CARMIL1: variants seen among roughly 807,000 people sequenced by gnomAD.
The protein encoded by CARMIL1 is F-actin-uncapping protein LRRC16A.
A neutral mutation model predicts 177.1 loss-of-function variants in CARMIL1; 90 were observed. The ratio of observed to expected loss-of-function variants is 0.51; its 90% CI spans 0.43 to 0.61. The LOEUF (loss-of-function observed/expected upper bound fraction) is 0.61, where lower values mean the gene tolerates loss of function less well. Among genes scored for constraint, CARMIL1 ranks in the 20% least tolerant of loss-of-function variants. CARMIL1 has a pLI of 0.00. For missense variants in CARMIL1, 1,380 were observed against 1,667.0 expected, an observed-to-expected ratio of 0.83 and a Z score of 3.00; for synonymous variants, 577 against 606.2, an observed-to-expected ratio of 0.95 and a Z score of 0.71.
chr6:25,426,707 G>T, intron 4 of CARMIL1, 147 bp downstream of exon 4: 1 of 611,980 alleles, frequency 1.6e-6, no homozygotes. Context: ...TGTGTGGACA[G>T]GAGTTGGGAA....
intron 26 of CARMIL1, among the ~76,000 whole-genome samples, chr6:25,540,579 A>C (rs1367327766): frequency 6.6e-6 from 1 of 152,182 alleles, no homozygotes; most frequent in East Asian, 1.9e-4. Context: ...GATTCACTGA[A>C]AAAAAGGTAA....
chr6:25,442,078 G>T (rs180785266), intron 5 of CARMIL1, among the ~76,000 whole-genome samples: 1 of 152,066 alleles, frequency 6.6e-6, no homozygotes, highest in Non-Finnish European at 1.5e-5. Flanking sequence ...GGTGTGGCTT[G>T]CAGCATTAAA....
intron 2 of CARMIL1, among the ~76,000 whole-genome samples, chr6:25,306,639 G>GAATA (rs1783293991): frequency 6.6e-6 from 1 of 152,140 alleles, no homozygotes; most frequent in African/African-American, 2.4e-5. Context: ...TTTTAATGCT[G>GAATA]AATAATATTC....
intron 2 of CARMIL1, among the ~76,000 whole-genome samples, chr6:25,371,349 T>G (rs1790409218): frequency 6.6e-6 from 1 of 152,232 alleles, no homozygotes; most frequent in Non-Finnish European, 1.5e-5. Context: ...CCATAGAGGT[T>G]GTACTAATTT....
At chr6:25,590,225 T>G (rs1223796770) in intron 31 of CARMIL1, among the ~76,000 whole-genome samples, 1 of 152,246 alleles carries the variant, frequency 6.6e-6, no homozygotes, top group Non-Finnish European at 1.5e-5. Context: ...TTGGAATGAA[T>G]GGTAGTTTGA....
chr6:25,444,619 C>T (rs567439155), intron 5 of CARMIL1, among the ~76,000 whole-genome samples: 8 of 152,068 alleles, frequency 5.3e-5, no homozygotes, highest in African/African-American at 9.7e-5. Context: ...TGAGAAGATG[C>T]GGTGTTTGGT....
chr6:25,554,149 T>C lies in CARMIL1; in HGVS notation c.2592+53T>C, dbSNP rs184669174. The C allele has an allele frequency of 2.4e-6, 3 of 1,244,964 alleles. No homozygotes were observed. The highest frequency in any genetic ancestry group is 3.5e-6 in the Non-Finnish European group (3 of 865,204). 77.1% of individuals were successfully genotyped at this position (1,244,964 alleles called of 1,614,324 possible). ...ACCTCCTGTTTCAGCTCTGCTGTGA[T>C]GCAGGATGACTTCCGGTGTGGGGAT... On this transcript the variant is annotated intron_variant, in intron 28 of 36. Transcript: ENST00000329474. The surrounding 1 kb of genome is among the most constrained non-coding windows in gnomAD (Gnocchi z 4.6).
chr6:25,372,755 C>A (rs1790548584), intron 2 of CARMIL1, among the ~76,000 whole-genome samples: 1 of 152,108 alleles, frequency 6.6e-6, no homozygotes, highest in Non-Finnish European at 1.5e-5. Context: ...TGCCTGATTG[C>A]TCTGACTAGG....
chr6:25,517,485 T>C, intron 22 of CARMIL1, 70 bp downstream of exon 22: 1 of 1,205,874 alleles, frequency 8.3e-7, no homozygotes, highest in Non-Finnish European at 1.2e-6. Flanking sequence ...ATGTTACCTG[T>C]TGGGTAATAG....
intron 20 of CARMIL1, among the ~76,000 whole-genome samples, chr6:25,511,290 A>G (rs1805426677): frequency 6.6e-6 from 1 of 152,192 alleles, no homozygotes; most frequent in Non-Finnish European, 1.5e-5. Context: ...GTTCAGGGTA[A>G]AGAAGTTTAA....
intron 36 of CARMIL1, 45 bp downstream of exon 36, chr6:25,610,226 A>G (rs771559733): frequency 1.9e-6 from 3 of 1,561,380 alleles, no homozygotes; most frequent in Non-Finnish European, 2.6e-6. Context: ...GCTCTCCCCA[A>G]GGAGGGACAT....
At chr6:25,591,842 A>AG (rs990646663) in intron 31 of CARMIL1, among the ~76,000 whole-genome samples, 36 of 152,144 alleles carry the variant, frequency 2.4e-4, no homozygotes, top group Admixed American at 2.3e-3. Context: ...GAGGATCTGT[A>AG]GGGGCCAGTC....
chr6:25,488,448 T>C, intron 12 of CARMIL1, 34 bp from the exon 13 acceptor site: 1 of 1,505,552 alleles, frequency 6.6e-7, no homozygotes, highest in South Asian at 1.1e-5. Context: ...TTTCCTGGAG[T>C]GCAAACTGAG....
At chr6:25,452,796 G>T (rs139137586) in intron 8 of CARMIL1, among the ~76,000 whole-genome samples, 1 of 152,246 alleles carries the variant, frequency 6.6e-6, no homozygotes, top group Admixed American at 6.5e-5. Flanking sequence ...AGAAAATCCA[G>T]CCTTAAAGAT....
In CARMIL1 at chr6:25,580,986, T is replaced by C; in HGVS notation, c.2805T>C (p.Ala935=). 1 of 1,594,932 alleles carries C rather than the reference T, an allele frequency of 6.3e-7. No individual in the cohort carries two copies. The highest frequency in any genetic ancestry group is 8.5e-7 in the Non-Finnish European group (1 of 1,169,884). Residue 935 remains alanine, a synonymous_variant, in exon 30 of 37, where the codon GCT becomes GCC. Transcript: ENST00000329474. ...GAATGCTGCGGCCTGTTTCTAGGGCTTTTGGTAAGTGTTTTGCTGCTGCCA... is the reference window on the plus strand; with the variant it reads ...GAATGCTGCGGCCTGTTTCTAGGGCCTTTGGTAAGTGTTTTGCTGCTGCCA... ...HSRMLRPVSR[A]FEMEFDLDKA...
Position 25,539,948 on chromosome 6 carries a change from T to C in CARMIL1, c.2198T>C (p.Leu733Ser). The change falls in exon 26 of 37, where the codon TTG becomes TCG. Residue 733 changes from leucine to serine, a missense_variant and splice_region_variant. By Grantham distance (145) the Leu-to-Ser change is moderately radical (BLOSUM62 -2). Transcript: ENST00000329474. Reference sequence around the variant, plus strand: ...GGTTATTTTTTATTTCTCTTACAGTTGTTACCAAATTTATACCATGTTGGT... The same window carrying C: ...GGTTATTTTTTATTTCTCTTACAGTCGTTACCAAATTTATACCATGTTGGT... ...LMRDAKNSKT[L>S]LPNLYHVGGA... 6.3e-7 allele frequency: 1 copy of C among 1,577,728 alleles called. No homozygotes were observed. Among genetic ancestry groups the C allele is most frequent in the Non-Finnish European group, 8.6e-7 (1 of 1,166,894 alleles).
Position 25,495,208 on chromosome 6 carries a change from C to G in CARMIL1, c.1318C>G (p.Pro440Ala). The G allele has an allele frequency of 6.2e-7, 1 of 1,603,922 alleles. No homozygotes were observed. Among genetic ancestry groups the G allele is most frequent in the Non-Finnish European group, 8.5e-7 (1 of 1,174,120 alleles). ...TTCAGGCACAAAACTGTCTCCTGAG[C>G]CCTTAAAGTGAGTGGTTAATTCACT... ...NLSGTKLSPE[P>A]LKALLLGLAC... The change falls in exon 16 of 37, where the codon CCC (proline) becomes GCC (alanine). Residue 440 changes from proline to alanine, a missense_variant. By Grantham distance (27) the Pro-to-Ala change is conservative (BLOSUM62 -1). Transcript: ENST00000329474.
At chr6:25,579,180 G>T (rs1421689367) in intron 29 of CARMIL1, among the ~76,000 whole-genome samples, 1 of 147,786 alleles carries the variant, frequency 6.8e-6, no homozygotes, top group Non-Finnish European at 1.5e-5. Flanking sequence ...GTATCATAAA[G>T]ACTTTCATGA....
chr6:25,366,510 CTA>C (rs1165899698), intron 2 of CARMIL1, among the ~76,000 whole-genome samples: 1 of 151,630 alleles, frequency 6.6e-6, no homozygotes, highest in African/African-American at 2.4e-5. Flanking sequence ...GAACATGCCC[CTA>C]TGTCTTCGTT....
Sources: gnomAD v4.1 joint callset for allele counts (sites outside exome capture counted in the v4.1 genomes callset) on GRCh38, gnomAD v4.1.1 for gene constraint, Gnocchi (gnomAD v3.1) non-coding constraint, MANE v1.5 for transcripts, NCBI Gene and HGNC (gene_info 2026-07-23, HGNC 2026-07-21) for gene names.